Variants in RAB28 observed in about 807,000 individuals in gnomAD.
RAB28 encodes RAB28, member RAS oncogene family.
RAB28 carries 24 observed loss-of-function variants against 31.7 expected under a neutral mutation model. That is an observed-to-expected ratio of 0.76 (90% confidence interval 0.55 to 1.06). The LOEUF is 1.06. RAB28 is among the 50% of genes least tolerant of loss of function. The pLI is 0.00. For synonymous variants in RAB28, 100 were observed against 90.4 expected (o/e 1.11, Z -0.60); for missense variants, 254 against 258.5 (o/e 0.98, Z 0.12).
chr4:13,436,875 T>C (rs1468391154), intron 4 of RAB28, among the ~76,000 whole-genome samples: 2 of 152,074 alleles, frequency 1.3e-5, no homozygotes, highest in South Asian at 2.1e-4. Context: ...AAAATTCGTA[T>C]GGAACCAAAA....
intron 4 of RAB28, among the ~76,000 whole-genome samples, chr4:13,392,001 T>C (rs1729654621): frequency 6.6e-6 from 1 of 152,084 alleles, no homozygotes; most frequent in South Asian, 2.1e-4. Flanking sequence ...TAGGAACGTA[T>C]TAGGTATACA....
intron 4 of RAB28, among the ~76,000 whole-genome samples, chr4:13,414,004 G>A (rs923054621): frequency 6.6e-6 from 1 of 152,146 alleles, no homozygotes; most frequent in Admixed American, 6.5e-5. Context: ...AATGACACAT[G>A]GGTATATGGT....
At chr4:13,419,058 C>T (rs1366306957) in intron 4 of RAB28, among the ~76,000 whole-genome samples, 4 of 152,066 alleles carry the variant, frequency 2.6e-5, no homozygotes, top group Non-Finnish European at 5.9e-5. Context: ...AGAGGAAGAT[C>T]TGCCAAGTAA....
At chr4:13,474,586 G>A (rs1393297338) in intron 2 of RAB28, among the ~76,000 whole-genome samples, 180 bp from the exon 3 acceptor site, 1 of 151,556 alleles carries the variant, frequency 6.6e-6, no homozygotes, top group African/African-American at 2.4e-5. Context: ...AGAAATTATA[G>A]TGGGGAATCT....
intron 4 of RAB28, among the ~76,000 whole-genome samples, chr4:13,418,043 T>C (rs1022130571): frequency 6.6e-6 from 1 of 152,176 alleles, no homozygotes; most frequent in African/African-American, 2.4e-5. Flanking sequence ...ATAAACAGTG[T>C]TGAGAAGACC....
chr4:13,428,292 T>A (rs1324278632), intron 4 of RAB28, among the ~76,000 whole-genome samples: 1 of 152,106 alleles, frequency 6.6e-6, no homozygotes, highest in Non-Finnish European at 1.5e-5. Context: ...TCCTCCCTTA[T>A]AAGCACCCTA....
intron 4 of RAB28, among the ~76,000 whole-genome samples, chr4:13,397,627 T>G (rs1361838127): frequency 6.6e-6 from 1 of 152,102 alleles, no homozygotes; most frequent in East Asian, 1.9e-4. Context: ...AAGGTCACTG[T>G]TGTAATATTT....
chr4:13,375,949 C>T (rs1353855564), intron 6 of RAB28, among the ~76,000 whole-genome samples: 2 of 152,124 alleles, frequency 1.3e-5, no homozygotes, highest in South Asian at 2.1e-4. Context: ...TAGTTTGTTA[C>T]TTCTAACCAA....
chr4:13,426,433 T>C lies in RAB28; in HGVS notation c.391+34266A>G, dbSNP rs181711533. Among the ~76,000 whole-genome samples, 485 of 152,272 alleles carry C rather than the reference T, an allele frequency of 3.2e-3. 5 individuals are homozygous for C. Among genetic ancestry groups the C allele is most frequent in the Non-Finnish European group, 5.4e-3 (370 of 68,006 alleles). On this transcript the variant is annotated intron_variant, in intron 4 of 6. Coordinates refer to ENST00000330852, the MANE Select transcript of RAB28 (RefSeq NM_001017979.3). The stretch of plus-strand genomic sequence containing the variant: ...AAAAAATAGATGCTTTCAAAAGACC[T>C]CAAAGCATGCTATATCCATGTCTAC...
At chr4:13,388,201 C>A (rs1729464388) in intron 4 of RAB28, among the ~76,000 whole-genome samples, 1 of 151,882 alleles carries the variant, frequency 6.6e-6, no homozygotes, top group South Asian at 2.1e-4. Context: ...ATAGAAAGCC[C>A]AGAAATAAAC....
chr4:13,459,796 C>A, intron 4 of RAB28: 1 of 1,216,250 alleles, frequency 8.2e-7, no homozygotes. Context: ...CTTCTTTCTT[C>A]CCTAAAATAG....
At chr4:13,392,115 T>C (rs899280871) in intron 4 of RAB28, among the ~76,000 whole-genome samples, 1 of 152,150 alleles carries the variant, frequency 6.6e-6, no homozygotes, top group African/African-American at 2.4e-5. Context: ...GAATCTAAAG[T>C]TGTCACTTTT....
intron 4 of RAB28, among the ~76,000 whole-genome samples, chr4:13,428,504 A>C (rs1316440040): frequency 3.9e-5 from 6 of 152,238 alleles, no homozygotes; most frequent in Non-Finnish European, 8.8e-5. Context: ...AAAATCACTG[A>C]ACTAATCAAT....
chr4:13,370,461 G>GT (rs1452605116), intron 6 of RAB28: 3 of 768,444 alleles, frequency 3.9e-6, no homozygotes, highest in Non-Finnish European at 3.2e-6. Context: ...CTATTCACAA[G>GT]TTGCTGAGGC....
At chr4:13,375,904 C>A (rs186744238) in intron 6 of RAB28, among the ~76,000 whole-genome samples, 201 of 152,004 alleles carry the variant, frequency 1.3e-3, no homozygotes, top group African/African-American at 4.6e-3. Context: ...GCACAGGGTG[C>A]GAATGGGGTG....
intron 5 of RAB28, among the ~76,000 whole-genome samples, chr4:13,380,250 A>G (rs1222898239): frequency 6.6e-6 from 1 of 152,180 alleles, no homozygotes; most frequent in Non-Finnish European, 1.5e-5. Flanking sequence ...AACCCCCATC[A>G]TATTATTTAT....
At chr4:13,378,163 C>T (rs1398124139) in intron 5 of RAB28, among the ~76,000 whole-genome samples, 1 of 152,098 alleles carries the variant, frequency 6.6e-6, no homozygotes, top group African/African-American at 2.4e-5. Flanking sequence ...AGGACTGAAC[C>T]TTAGTTGGCT....
chr4:13,430,646 A>G (rs1713760608), intron 4 of RAB28, among the ~76,000 whole-genome samples: 1 of 152,128 alleles, frequency 6.6e-6, no homozygotes, highest in African/African-American at 2.4e-5. Flanking sequence ...TTGTGTACCC[A>G]TGGTGCCACA....
intron 6 of RAB28, among the ~76,000 whole-genome samples, chr4:13,372,369 G>A (rs952731379): frequency 6.6e-6 from 1 of 151,984 alleles, no homozygotes; most frequent in African/African-American, 2.4e-5. Context: ...TCTATATAAC[G>A]AATGGGCTAT....
Sources: allele counts gnomAD v4.1 joint callset (sites outside exome capture counted in the v4.1 genomes callset), GRCh38; gene constraint gnomAD v4.1.1; transcripts MANE v1.5; gene names NCBI Gene and HGNC (gene_info 2026-07-23, HGNC 2026-07-21).